The following CSMD3 variants were observed in gnomAD, a reference collection of about 807,000 sequenced individuals.
The protein encoded by CSMD3 is CUB and sushi domain-containing protein 3.
In CSMD3, 177 loss-of-function variants were observed where a neutral mutation model predicts 435.2. The ratio of observed to expected loss-of-function variants is 0.41; its 90% CI spans 0.36 to 0.46. CSMD3 has a LOEUF of 0.46. Ranked by LOEUF, CSMD3 falls within the 20% of genes least tolerant of loss-of-function variation. The pLI, the probability that CSMD3 is intolerant of heterozygous loss-of-function variation, is 0.34. For missense variants in CSMD3, 4,265 were observed against 4,504.6 expected, an observed-to-expected ratio of 0.95 and a Z score of 1.52; for synonymous variants, 1,656 against 1,520.5, an observed-to-expected ratio of 1.09 and a Z score of -2.07.
At chr8:112,602,679 A>G (rs1832459124) in intron 22 of CSMD3, among the ~76,000 whole-genome samples, 1 of 151,884 alleles carries the variant, frequency 6.6e-6, no homozygotes, top group Non-Finnish European at 1.5e-5. Context: ...TAACATAGTC[A>G]ATTAATATAT....
chr8:113,380,526 C>G (rs1563765094), intron 1 of CSMD3, among the ~76,000 whole-genome samples: 1 of 152,032 alleles, frequency 6.6e-6, no homozygotes, highest in South Asian at 2.1e-4. Flanking sequence ...TGAATATAGA[C>G]TAATGTTTCC....
At chr8:113,058,568 C>T (rs1355441952) in intron 5 of CSMD3, among the ~76,000 whole-genome samples, 3 of 151,568 alleles carry the variant, frequency 2.0e-5, no homozygotes, top group African/African-American at 4.8e-5. Flanking sequence ...ATTAGCATTC[C>T]AATTTTTATA....
chr8:112,977,095 G>T (rs1021133625), intron 6 of CSMD3, among the ~76,000 whole-genome samples: 1 of 151,842 alleles, frequency 6.6e-6, no homozygotes, highest in Non-Finnish European at 1.5e-5. Flanking sequence ...TTTTAAAGGA[G>T]GTTGTTCATG....
chr8:112,506,566 G>A, intron 29 of CSMD3, 125 bp downstream of exon 29: 1 of 909,778 alleles, frequency 1.1e-6, no homozygotes, highest in Non-Finnish European at 1.7e-6. Flanking sequence ...TATTAGCACT[G>A]GGATAAGTAA....
At chr8:112,622,718 T>A (rs1016143576) in intron 22 of CSMD3, among the ~76,000 whole-genome samples, 2 of 152,146 alleles carry the variant, frequency 1.3e-5, no homozygotes, top group African/African-American at 4.8e-5. Flanking sequence ...CACACGTAGC[T>A]ATTTAAGCAA....
intron 33 of CSMD3, 73 bp downstream of exon 33, chr8:112,408,846 A>G (rs1832083450): frequency 6.2e-7 from 1 of 1,609,986 alleles, no homozygotes; most frequent in Non-Finnish European, 8.5e-7. Flanking sequence ...ATAAATCTCA[A>G]CTTTCACTAC....
intron 5 of CSMD3, among the ~76,000 whole-genome samples, chr8:113,094,394 T>G (rs1033532116): frequency 6.6e-6 from 1 of 152,146 alleles, no homozygotes; most frequent in African/African-American, 2.4e-5. Context: ...CAGACAGATT[T>G]TCAAAGGGAA....
intron 1 of CSMD3, among the ~76,000 whole-genome samples, chr8:113,425,354 T>A (rs998643570): frequency 2.0e-5 from 3 of 151,520 alleles, no homozygotes; most frequent in Non-Finnish European, 3.0e-5. Context: ...ATGTCTAACA[T>A]CTTCCAATTT....
At chr8:113,121,472 C>CTG (rs1461290684) in intron 4 of CSMD3, among the ~76,000 whole-genome samples, 2 of 149,848 alleles carry the variant, frequency 1.3e-5, no homozygotes, top group Admixed American at 6.7e-5. Context: ...CTTCAATCCT[C>CTG]TGTGCTATTT....
chr8:113,317,464 C>A (rs1399745632), intron 1 of CSMD3, among the ~76,000 whole-genome samples: 2 of 152,128 alleles, frequency 1.3e-5, no homozygotes, highest in Non-Finnish European at 2.9e-5. Flanking sequence ...TCTTCAAGGG[C>A]CTGCTGATTC....
intron 3 of CSMD3, among the ~76,000 whole-genome samples, chr8:113,213,280 G>A (rs1363907825): frequency 6.6e-6 from 1 of 151,962 alleles, no homozygotes; most frequent in Non-Finnish European, 1.5e-5. Flanking sequence ...GTGTAGGCAG[G>A]GCATAAAAGA....
At chr8:113,156,934 A>G (rs1460672046) in intron 4 of CSMD3, among the ~76,000 whole-genome samples, 3 of 147,862 alleles carry the variant, frequency 2.0e-5, no homozygotes, top group South Asian at 2.1e-4. Flanking sequence ...TTTGTCTCAA[A>G]AGAGAGAGAG....
At chr8:113,427,334 G>A (rs1460366499) in intron 1 of CSMD3, among the ~76,000 whole-genome samples, 1 of 151,164 alleles carries the variant, frequency 6.6e-6, no homozygotes, top group Non-Finnish European at 1.5e-5. Context: ...TGCATGTGAA[G>A]TTTCCCATTT....
chr8:112,262,209 T>C (rs1460031657), intron 61 of CSMD3, among the ~76,000 whole-genome samples: 1 of 152,002 alleles, frequency 6.6e-6, no homozygotes, highest in Non-Finnish European at 1.5e-5. Flanking sequence ...ACTAATTGCC[T>C]TGCAGACTTA....
chr8:112,955,537 A>G (rs2083984249), intron 7 of CSMD3, among the ~76,000 whole-genome samples: 1 of 151,792 alleles, frequency 6.6e-6, no homozygotes, highest in Non-Finnish European at 1.5e-5. Context: ...CAAATCTTCT[A>G]GCTATTTTGA....
chr8:112,706,044 C>G (rs7821468), intron 13 of CSMD3, among the ~76,000 whole-genome samples: 83,828 of 151,786 alleles, frequency 0.55, 24,247 homozygotes, highest in African/African-American at 0.73. Flanking sequence ...GTGACAAATG[C>G]ACAATGTAAC....
At position 112,337,655 on chromosome 8, in the gene CSMD3, A is replaced by T; in HGVS notation, c.6729T>A (p.Gly2243=). The T allele has an allele frequency of 6.2e-7, 1 of 1,613,620 alleles. No individual in the cohort carries two copies. Among genetic ancestry groups the T allele is most frequent in the East Asian group, 2.2e-5 (1 of 44,866 alleles). Residue 2243 remains glycine, a synonymous_variant, in exon 43 of 71, where the codon GGT becomes GGA. Coordinates refer to ENST00000297405, the MANE Select transcript of CSMD3 (RefSeq NM_198123.2). ...GGAAACATTCAAATGAAATGGTTTG[A>T]CCCACAGTAAAATCATTACCAATTA... ...GFVIGNDFTV[G]QTISFECFPG...
Position 113,408,033 on chromosome 8 carries a change from A to T in CSMD3, c.178+28644T>A, listed in dbSNP as rs531610340. 7.3e-4 allele frequency among the ~76,000 whole-genome samples: 111 copies of T among 152,240 alleles called. 1 individual carries two copies. The highest frequency in any genetic ancestry group is 1.9e-3 in the South Asian group (9 of 4,822). Reference sequence around the variant, plus strand: ...GAGCTACTTTTTTAAATAGTTAAAAATTTTTTTAAACCTTTAAACAAACAG... The same window carrying T: ...GAGCTACTTTTTTAAATAGTTAAAATTTTTTTTAAACCTTTAAACAAACAG... On this transcript the variant is annotated intron_variant, in intron 1 of 70. Coordinates refer to ENST00000297405, the MANE Select transcript of CSMD3 (RefSeq NM_198123.2).
rs143136215 is a variant in CSMD3, at chr8:112,682,566, T to C, written c.2553A>G (p.Gln851=). ...INARRFGDNF[Q]LGSSISVICE... ...AAATAACTGAAATTGAACTTCCTAA[T>C]TGAAAGTTGTCCCCAAACCGCCGTG... Residue 851 remains glutamine (Q), a synonymous_variant, in exon 16 of 71, where the codon CAA becomes CAG. Coordinates refer to ENST00000297405, the MANE Select transcript of CSMD3 (RefSeq NM_198123.2). The C allele has an allele frequency of 1.1e-5, 17 of 1,613,828 alleles. No individual in the cohort carries two copies. Among genetic ancestry groups the C allele is most frequent in the South Asian group, 5.5e-5 (5 of 91,082 alleles).
Sources: allele counts gnomAD v4.1 joint callset (sites outside exome capture counted in the v4.1 genomes callset), GRCh38; gene constraint gnomAD v4.1.1; transcripts MANE v1.5; gene names NCBI Gene and HGNC (gene_info 2026-07-23, HGNC 2026-07-21).